Variants in MTTP observed in about 807,000 individuals in gnomAD.
MTTP encodes the protein microsomal triglyceride transfer protein large subunit.
Under a neutral mutation model 90.6 loss-of-function variants are expected in MTTP, and 49 were observed. The observed-to-expected ratio is 0.54, with a 90% CI of 0.43 to 0.69. The LOEUF (loss-of-function observed/expected upper bound fraction) is 0.69, where lower values mean the gene tolerates loss of function less well. Ranked by LOEUF, MTTP falls within the 30% of genes least tolerant of loss-of-function variation. The pLI is 0.00. For missense variants in MTTP, 945 were observed against 1,067.5 expected (o/e 0.89, Z 1.60); for synonymous variants, 347 against 384.2 (o/e 0.90, Z 1.13).
At chr4:99,582,470 T>A (rs1436408970) in intron 2 of MTTP, among the ~76,000 whole-genome samples, 1 of 152,206 alleles carries the variant, frequency 6.6e-6, no homozygotes, top group Non-Finnish European at 1.5e-5. Flanking sequence ...GTTAGGAGGT[T>A]CCTGCATTCC....
At chr4:99,595,135 A>G (rs909723021) in intron 7 of MTTP, among the ~76,000 whole-genome samples, 2 of 152,228 alleles carry the variant, frequency 1.3e-5, no homozygotes, top group Non-Finnish European at 2.9e-5. Flanking sequence ...AGTCACATCT[A>G]GAATTCAGGG....
chr4:99,602,312 CA>C (rs966705512), intron 10 of MTTP, among the ~76,000 whole-genome samples: 1 of 151,922 alleles, frequency 6.6e-6, no homozygotes, highest in African/African-American at 2.4e-5. Flanking sequence ...TATTAAAAAG[CA>C]AAAAGCAAAA....
chr4:99,582,090 A>G lies in MTTP; in HGVS notation c.247A>G (p.Thr83Ala), dbSNP rs370856172. Residue 83 changes from threonine to alanine, a missense_variant and splice_region_variant, in exon 2 of 18, where the codon ACG becomes GCG. Transcript: ENST00000265517. ...TGATGATGACCAGTTGATCCAAATA[A>G]CGGTGGGCATTTTCTACCAGATAAA... ...DGDDDQLIQI[T>A]MKDVNVENVN... 8 of 1,614,096 alleles carry G rather than the reference A, an allele frequency of 5.0e-6. No homozygotes were observed. The highest frequency in any genetic ancestry group is 5.9e-6 in the Non-Finnish European group (7 of 1,179,948).
chr4:99,584,000 G>A (rs1458071125), intron 3 of MTTP: 2 of 157,956 alleles, frequency 1.3e-5, no homozygotes, highest in Non-Finnish European at 2.8e-5. Flanking sequence ...CAAGTCTAAA[G>A]TAGAGTTTTT....
At chr4:99,618,256 C>T (rs991135382) in intron 15 of MTTP, among the ~76,000 whole-genome samples, 11 of 152,108 alleles carry the variant, frequency 7.2e-5, no homozygotes, top group African/African-American at 2.7e-4. Flanking sequence ...TTGTTATACT[C>T]AGGGCTGGGC....
At chr4:99,581,272 T>A (rs974255299) in intron 1 of MTTP, among the ~76,000 whole-genome samples, 6 of 152,210 alleles carry the variant, frequency 3.9e-5, no homozygotes, top group African/African-American at 1.4e-4. Flanking sequence ...AATTACCCCA[T>A]GCCAACTTTA....
intron 16 of MTTP, among the ~76,000 whole-genome samples, chr4:99,619,756 A>G (rs1273799635): frequency 6.6e-6 from 1 of 152,230 alleles, no homozygotes. Context: ...GATAAAATCA[A>G]ATTTTTGATT....
chr4:99,606,045 C>A (rs1449182655), intron 10 of MTTP, among the ~76,000 whole-genome samples: 1 of 152,020 alleles, frequency 6.6e-6, no homozygotes, highest in Non-Finnish European at 1.5e-5. Context: ...GAAACTGAAG[C>A]CTCTAAAACA....
chr4:99,567,332 G>A (rs923799949), intron 1 of MTTP, among the ~76,000 whole-genome samples: 2 of 152,142 alleles, frequency 1.3e-5, no homozygotes, highest in Admixed American at 6.5e-5. Flanking sequence ...ACATAACTAG[G>A]TGAAAAGGAA....
rs1284736129 is a variant in MTTP at position 99,621,254 on chromosome 4, T to C, written c.2513+23T>C. On this transcript the variant is annotated intron_variant, in intron 17 of 17. Transcript: ENST00000265517. ...CAGGTAAGATGCAGCGTTCAGGTCA[T>C]GTTCCAGGACCATCCCCAGTGCACC... 8 of 1,613,376 alleles carry C rather than the reference T, an allele frequency of 5.0e-6. No individual in the cohort carries two copies. The South Asian group carries it at 8.8e-5, about 18-fold the overall frequency.
chr4:99,564,340 CTCT>C (rs1229451487), intron 1 of MTTP: 11 of 1,084,666 alleles, frequency 1.0e-5, no homozygotes, highest in African/African-American at 1.6e-5. Context: ...AGAAAAACAT[CTCT>C]TGCCTATATT....
At chr4:99,566,958 G>T (rs558190674) in intron 1 of MTTP, among the ~76,000 whole-genome samples, 20 of 152,216 alleles carry the variant, frequency 1.3e-4, no homozygotes, top group African/African-American at 4.8e-4. Context: ...GAGTTGAGGA[G>T]ATGTGGAAAT....
At chr4:99,583,340 G>T (rs764107476) in intron 2 of MTTP, 34 bp from the exon 3 acceptor site, 1 of 1,608,470 alleles carries the variant, frequency 6.2e-7, no homozygotes, top group South Asian at 1.1e-5. Context: ...GATATAGGAA[G>T]TTTTTTTTAA....
intron 4 of MTTP, among the ~76,000 whole-genome samples, chr4:99,589,969 C>T (rs535670706): frequency 8.0e-4 from 122 of 152,224 alleles, no homozygotes; most frequent in Non-Finnish European, 1.5e-3. Context: ...ACTAAAGGAG[C>T]TTCGTGGGGA....
Position 99,621,177 on chromosome 4 carries a change from C to G in MTTP, c.2459C>G (p.Ser820Cys), listed in dbSNP as rs1726220724. Reference protein sequence around the residue: ...GLEFISTVQFSQYPFLVCMQM... With the variant: ...GLEFISTVQFCQYPFLVCMQM... ...GAGTTTATCTCCACAGTGCAGTTTTCTCAGTACCCATTCTTAGTTTGCATG... is the reference window on the plus strand; with the variant it reads ...GAGTTTATCTCCACAGTGCAGTTTTGTCAGTACCCATTCTTAGTTTGCATG... The change falls in exon 17 of 18, where the codon TCT becomes TGT. Residue 820 changes from serine to cysteine, a missense_variant. Physicochemically the swap from Ser to Cys is moderately radical, Grantham distance 112. Transcript: ENST00000265517. 6.2e-7 allele frequency: 1 copy of G among 1,614,056 alleles called. No individual in the cohort carries two copies. Among genetic ancestry groups the G allele is most frequent in the Non-Finnish European group, 8.5e-7 (1 of 1,179,968 alleles).
intron 15 of MTTP, among the ~76,000 whole-genome samples, chr4:99,617,377 C>G (rs1181889215): frequency 6.6e-6 from 1 of 152,120 alleles, no homozygotes; most frequent in Non-Finnish European, 1.5e-5. Context: ...TTTTAATACA[C>G]CTGGTTGTAA....
chr4:99,575,321 T>C lies in MTTP; in HGVS notation c.61+351T>C, dbSNP rs573365060. ...GGTCACATTGAATGCAGCTCCTTCATTTGAATTGTAAATGAGGATTTTTTT... is the reference window on the plus strand; with the variant it reads ...GGTCACATTGAATGCAGCTCCTTCACTTGAATTGTAAATGAGGATTTTTTT... On this transcript the variant is annotated intron_variant, in intron 1 of 17. Transcript: ENST00000265517. Among the ~76,000 whole-genome samples the C allele has an allele frequency of 2.3e-4, 35 of 152,322 alleles. No homozygotes were observed. The South Asian group carries it at 7.0e-3, about 31-fold the overall frequency.
intron 15 of MTTP, among the ~76,000 whole-genome samples, chr4:99,614,205 T>G (rs1208919504): frequency 3.3e-5 from 5 of 152,204 alleles, no homozygotes; most frequent in African/African-American, 7.2e-5. Flanking sequence ...CTTGGGCAGT[T>G]ACTTAATAGC....
At chr4:99,576,872 G>A (rs1040190108) in intron 1 of MTTP, among the ~76,000 whole-genome samples, 2 of 151,952 alleles carry the variant, frequency 1.3e-5, no homozygotes, top group African/African-American at 4.8e-5. Flanking sequence ...ATAATTTAGG[G>A]GCCACTTTTG....
Sources: gnomAD v4.1 joint callset for allele counts (sites outside exome capture counted in the v4.1 genomes callset) on GRCh38, gnomAD v4.1.1 for gene constraint, MANE v1.5 for transcripts, NCBI Gene and HGNC (gene_info 2026-07-23, HGNC 2026-07-21) for gene names.